The following IL1RL1 variants were observed in gnomAD, a reference collection of about 807,000 sequenced individuals.
The protein encoded by IL1RL1 is interleukin-1 receptor-like 1.
A neutral mutation model predicts 50.9 loss-of-function variants in IL1RL1; 32 were observed. The ratio of observed to expected loss-of-function variants is 0.63; its 90% CI spans 0.47 to 0.84. The LOEUF (loss-of-function observed/expected upper bound fraction) is 0.84, where lower values mean the gene tolerates loss of function less well. Among genes scored for constraint, IL1RL1 ranks in the 40% least tolerant of loss-of-function variants. The pLI is 0.00. For missense variants in IL1RL1, 773 were observed against 662.9 expected (o/e 1.17, Z -1.82); for synonymous variants, 275 against 236.0 (o/e 1.17, Z -1.51).
intron 1 of IL1RL1, among the ~76,000 whole-genome samples, chr2:102,316,830 A>G (rs1323946830): frequency 1.3e-5 from 2 of 152,168 alleles, no homozygotes; most frequent in African/African-American, 4.8e-5. Flanking sequence ...CAAAATTCCA[A>G]AGAAGAGTTC....
intron 1 of IL1RL1, among the ~76,000 whole-genome samples, chr2:102,311,986 T>C (rs1212539054): frequency 3.5e-5 from 1 of 28,820 alleles, no homozygotes; most frequent in African/African-American, 2.7e-4. Context: ...ATATAATATA[T>C]ATTATATATA....
intron 1 of IL1RL1, among the ~76,000 whole-genome samples, chr2:102,315,636 T>G (rs1381508057): frequency 6.6e-6 from 1 of 152,196 alleles, no homozygotes; most frequent in Non-Finnish European, 1.5e-5. Context: ...TATTTTCTTT[T>G]CATTTCACCT....
At chr2:102,334,193 C>G (rs1187441331) in intron 1 of IL1RL1, among the ~76,000 whole-genome samples, 1 of 152,126 alleles carries the variant, frequency 6.6e-6, no homozygotes, top group African/African-American at 2.4e-5. Flanking sequence ...AATTGACATT[C>G]CCAGCAACAA....
At chr2:102,326,519 A>T (rs940163014) in intron 1 of IL1RL1, among the ~76,000 whole-genome samples, 4 of 152,208 alleles carry the variant, frequency 2.6e-5, no homozygotes, top group Non-Finnish European at 4.4e-5. Context: ...CCTTAAATGT[A>T]AATGGGCTAA....
chr2:102,322,080 G>T (rs1676852838), intron 1 of IL1RL1, among the ~76,000 whole-genome samples: 1 of 152,114 alleles, frequency 6.6e-6, no homozygotes, highest in Non-Finnish European at 1.5e-5. Context: ...TGTGGGGCCT[G>T]GCAGTCTAAA....
chr2:102,332,193 T>C (rs1312654888), intron 1 of IL1RL1, among the ~76,000 whole-genome samples: 1 of 152,288 alleles, frequency 6.6e-6, no homozygotes, highest in East Asian at 1.9e-4. Flanking sequence ...GAGGTCATAT[T>C]CCAATGGATA....
intron 5 of IL1RL1, chr2:102,341,414 C>T: frequency 1.1e-6 from 1 of 912,288 alleles, no homozygotes. Flanking sequence ...TTTATAAAAG[C>T]TTATTTAAGG....
chr2:102,331,950 C>A (rs1677189797), intron 1 of IL1RL1, among the ~76,000 whole-genome samples: 1 of 152,046 alleles, frequency 6.6e-6, no homozygotes, highest in Non-Finnish European at 1.5e-5. Flanking sequence ...TGCATGTAGT[C>A]CCAGCTATTC....
chr2:102,328,326 C>T (rs1181303515), intron 1 of IL1RL1, among the ~76,000 whole-genome samples: 1 of 151,986 alleles, frequency 6.6e-6, no homozygotes, highest in Admixed American at 6.6e-5. Context: ...TAAAAACTCT[C>T]AATAAATTAG....
At position 102,339,031 on chromosome 2, in the gene IL1RL1, A is replaced by G; in HGVS notation, c.256A>G (p.Thr86Ala). 6.2e-7 allele frequency: 1 copy of G among 1,612,498 alleles called. No individual in the cohort carries two copies. The highest frequency in any genetic ancestry group is 1.3e-5 in the African/African-American group (1 of 74,826). Residue 86 changes from threonine to alanine, a missense_variant, in exon 3 of 11, where the codon ACC becomes GCC. Thr to Ala is a moderately conservative substitution (Grantham distance 58). Transcript: ENST00000233954. ...PAAVADSGIYTCIVRSPTFNR... is the reference protein window; with the variant it reads ...PAAVADSGIYACIVRSPTFNR... The stretch of plus-strand genomic sequence containing the variant: ...TGCAGTTGCTGATTCTGGTATTTAT[A>G]CCTGTATTGTCAGAAGGTATTATGC...
chr2:102,312,627 C>A (rs1396119049), intron 1 of IL1RL1, among the ~76,000 whole-genome samples: 1 of 152,008 alleles, frequency 6.6e-6, no homozygotes, highest in Non-Finnish European at 1.5e-5. Flanking sequence ...CAGGGTCATA[C>A]CCATCTGCAA....
intron 8 of IL1RL1, chr2:102,345,495 C>T (rs1677751413): frequency 6.1e-6 from 6 of 985,278 alleles, no homozygotes; most frequent in Non-Finnish European, 7.2e-6. Flanking sequence ...GAGTGTTAAA[C>T]CCTGAGTTCC....
chr2:102,342,417 G>T, intron 6 of IL1RL1, 123 bp downstream of exon 6: 1 of 660,910 alleles, frequency 1.5e-6, no homozygotes, highest in Admixed American at 2.6e-5. Context: ...GAGTAAGTGA[G>T]GTGACATCCC....
intron 1 of IL1RL1, among the ~76,000 whole-genome samples, chr2:102,333,219 G>C (rs1677222497): frequency 6.6e-6 from 1 of 152,122 alleles, no homozygotes; most frequent in African/African-American, 2.4e-5. Flanking sequence ...GTGGAAGCAG[G>C]GATAGCAATT....
intron 1 of IL1RL1, among the ~76,000 whole-genome samples, chr2:102,335,959 C>A (rs532355806): frequency 2.0e-5 from 3 of 152,204 alleles, no homozygotes; most frequent in African/African-American, 7.2e-5. Context: ...TAATTTACGG[C>A]GAACATCTCA....
rs1303334375 is a variant in IL1RL1, at chr2:102,323,273, A to ATATAGT, written c.-150+11650_-150+11651insTATAGT. On this transcript the variant is annotated intron_variant, in intron 1 of 10. Coordinates refer to ENST00000233954, the MANE Select transcript of IL1RL1 (RefSeq NM_016232.5). ...TATATATATATATATATATATATAT[A>ATATAGT]GTGTGTGTGTGTGTGTGTGTGTATA... Among the ~76,000 whole-genome samples, 330 of 48,436 alleles carry ATATAGT rather than the reference A, an allele frequency of 6.8e-3. 1 individual carries two copies. The highest frequency in any genetic ancestry group is 0.012 in the Non-Finnish European group (260 of 21,256). 31.8% of individuals were successfully genotyped at this position (48,436 alleles called of 152,430 possible).
chr2:102,330,858 T>C (rs1285828406), intron 1 of IL1RL1, among the ~76,000 whole-genome samples: 1 of 152,200 alleles, frequency 6.6e-6, no homozygotes, highest in Non-Finnish European at 1.5e-5. Flanking sequence ...TTTGTATCCA[T>C]TTAAAAAATA....
At chr2:102,325,842 T>C (rs1676982918) in intron 1 of IL1RL1, among the ~76,000 whole-genome samples, 1 of 152,176 alleles carries the variant, frequency 6.6e-6, no homozygotes, top group Non-Finnish European at 1.5e-5. Context: ...CCAAGAAATA[T>C]GGGACTATGT....
chr2:102,317,994 C>T (rs765264379), intron 1 of IL1RL1, among the ~76,000 whole-genome samples: 51 of 152,050 alleles, frequency 3.4e-4, no homozygotes, highest in Non-Finnish European at 6.3e-4. Context: ...CAAAAGTGCA[C>T]GTGTTGTGTA....
Sources: allele counts gnomAD v4.1 joint callset (sites outside exome capture counted in the v4.1 genomes callset), GRCh38; gene constraint gnomAD v4.1.1; transcripts MANE v1.5; gene names NCBI Gene and HGNC (gene_info 2026-07-23, HGNC 2026-07-21).